GCH1: variants seen among roughly 807,000 people sequenced by gnomAD.
GCH1 encodes the protein GTP cyclohydrolase 1, also known as GTP cyclohydrolase I.
GCH1 carries 5 observed loss-of-function variants against 25.9 expected under a neutral mutation model. The observed-to-expected ratio is 0.19, with a 90% CI of 0.10 to 0.41. The LOEUF is 0.41. GCH1 is among the 10% of genes least tolerant of loss of function. The probability of loss-of-function intolerance (pLI) is 1.00; values close to 1 mark genes in which losing one functional copy is unlikely to be tolerated. For synonymous variants in GCH1, 159 were observed against 129.6 expected (o/e 1.23, Z -1.54); for missense variants, 261 against 336.5 (o/e 0.78, Z 1.75).
intron 3 of GCH1, among the ~76,000 whole-genome samples, chr14:54,854,756 G>A (rs181562957): frequency 9.1e-4 from 138 of 152,208 alleles, no homozygotes; most frequent in African/African-American, 2.8e-3. Flanking sequence ...ATTCAACCTC[G>A]CTCTATTAAG....
At chr14:54,845,920 A>G (rs1045117873) in intron 4 of GCH1, 68 bp from the exon 5 acceptor site, 14 of 870,922 alleles carry the variant, frequency 1.6e-5, no homozygotes, top group Non-Finnish European at 2.8e-5. Flanking sequence ...TTCTGTCTCT[A>G]GAACATTTGA....
In GCH1 at chr14:54,902,630, T is replaced by C; in HGVS notation, c.34A>G (p.Lys12Glu). 6.7e-7 allele frequency: 1 copy of C among 1,485,368 alleles called. No homozygotes were observed. Among genetic ancestry groups the C allele is most frequent in the Non-Finnish European group, 8.9e-7 (1 of 1,121,610 alleles). 92.0% of individuals were successfully genotyped at this position (1,485,368 alleles called of 1,614,324 possible). ...EKGPVRAPAE[K>E]PRGARCSNGF... The stretch of plus-strand genomic sequence containing the variant: ...TTGCTGCACCTGGCGCCCCGCGGCT[T>C]CTCCGCCGGTGCCCGCACAGGGCCC... The change falls in exon 1 of 6, where the codon AAG (lysine) becomes GAG (glutamate). Residue 12 changes from lysine (K) to glutamate (E), a missense_variant. Lys to Glu is a moderately conservative substitution (Grantham distance 56). Coordinates refer to ENST00000491895, the MANE Select transcript of GCH1 (RefSeq NM_000161.3).
intron 3 of GCH1, among the ~76,000 whole-genome samples, chr14:54,853,413 T>C (rs2039764144): frequency 1.3e-5 from 2 of 152,240 alleles, no homozygotes; most frequent in Non-Finnish European, 2.9e-5. Context: ...TAGGTAAGTA[T>C]CGTCCTTGAT....
intron 1 of GCH1, among the ~76,000 whole-genome samples, chr14:54,900,056 G>T (rs2040541538): frequency 6.6e-6 from 1 of 151,930 alleles, no homozygotes; most frequent in Non-Finnish European, 1.5e-5. Flanking sequence ...GTAGAGAATG[G>T]GTTTTCCCAT....
At chr14:54,844,282 A>G (rs1323055518) in intron 5 of GCH1, 139 bp from the exon 6 acceptor site, 1 of 752,662 alleles carries the variant, frequency 1.3e-6, no homozygotes, top group African/African-American at 1.7e-5. Context: ...AATGTTATCT[A>G]TTAGGTTCAT....
chr14:54,844,286 G>C (rs891336467), intron 5 of GCH1, 143 bp from the exon 6 acceptor site: 3 of 745,690 alleles, frequency 4.0e-6, no homozygotes, highest in African/African-American at 1.7e-5. Flanking sequence ...TTATCTATTA[G>C]GTTCATGCAA....
At position 54,884,793 on chromosome 14, in the gene GCH1, C is replaced by CAAAAAA. The variant is rs1180242739; in HGVS notation, c.343+17527_343+17528insTTTTTT. 6 of 145,872 alleles carry CAAAAAA rather than the reference C, an allele frequency of 4.1e-5. 1 individual carries two copies. In the South Asian group the frequency reaches 1.1e-3, roughly 26 times the overall value. 9.0% of individuals were successfully genotyped at this position (145,872 alleles called of 1,614,324 possible). On this transcript the variant is annotated intron_variant, in intron 1 of 5. Transcript: ENST00000491895. The stretch of plus-strand genomic sequence containing the variant: ...CTCAAAACAACAACAACAACAACAA[C>CAAAAAA]AACAACAAAAAAAAAGATTACACAG...
At chr14:54,885,520 C>A in intron 1 of GCH1, 2 of 329,436 alleles carry the variant, frequency 6.1e-6, no homozygotes, top group South Asian at 2.9e-5. Flanking sequence ...CAAACCTACA[C>A]CTGGCTTCTG....
At chr14:54,884,796 C>A (rs111824558) in intron 1 of GCH1, 29,529 of 143,782 alleles carry the variant, frequency 0.21, 4,301 homozygotes, top group East Asian at 0.4. Flanking sequence ...ACAACAACAA[C>A]AACAAAAAAA....
chr14:54,876,245 G>A (rs2055040706), intron 1 of GCH1, among the ~76,000 whole-genome samples: 1 of 152,028 alleles, frequency 6.6e-6, no homozygotes, highest in Non-Finnish European at 1.5e-5. Flanking sequence ...ACTATTGCAA[G>A]GACAAAAAGC....
chr14:54,899,720 T>C (rs1019865041), intron 1 of GCH1, among the ~76,000 whole-genome samples: 1 of 152,186 alleles, frequency 6.6e-6, no homozygotes, highest in Non-Finnish European at 1.5e-5. Flanking sequence ...TGTGCAACTA[T>C]CACCACTCTC....
intron 1 of GCH1, among the ~76,000 whole-genome samples, chr14:54,880,173 G>A (rs2040225649): frequency 6.7e-6 from 1 of 149,716 alleles, no homozygotes; most frequent in Non-Finnish European, 1.5e-5. Context: ...ACCAAATTCA[G>A]TATAGTGGTT....
chr14:54,859,333 C>G, intron 3 of GCH1: 2 of 307,828 alleles, frequency 6.5e-6, no homozygotes, highest in Admixed American at 4.5e-5. Context: ...AGCTTCTTCC[C>G]CAACCCCTCA....
intron 2 of GCH1, among the ~76,000 whole-genome samples, chr14:54,862,722 T>G (rs2039922607): frequency 6.6e-6 from 1 of 151,492 alleles, no homozygotes; most frequent in South Asian, 2.1e-4. Context: ...CCCAAAGTGT[T>G]GAGATTACTG....
intron 3 of GCH1, among the ~76,000 whole-genome samples, chr14:54,856,097 G>A (rs2039807340): frequency 6.6e-6 from 1 of 152,098 alleles, no homozygotes; most frequent in Non-Finnish European, 1.5e-5. Flanking sequence ...CAGTCAATCT[G>A]GTTCCCATCC....
chr14:54,846,131 C>T (rs192144713), intron 4 of GCH1, among the ~76,000 whole-genome samples: 150 of 152,132 alleles, frequency 9.9e-4, no homozygotes, highest in Non-Finnish European at 1.7e-3. Flanking sequence ...TTATCTCATA[C>T]CTGTGCAGTT....
At chr14:54,897,004 C>CT (rs1264967638) in intron 1 of GCH1, among the ~76,000 whole-genome samples, 19,086 of 114,628 alleles carry the variant, frequency 0.17, 3,464 homozygotes, top group African/African-American at 0.33. Flanking sequence ...TTCTACTCCA[C>CT]TTTTTGTTTT....
At chr14:54,900,356 C>T (rs1029370486) in intron 1 of GCH1, among the ~76,000 whole-genome samples, 1 of 151,778 alleles carries the variant, frequency 6.6e-6, no homozygotes, top group Non-Finnish European at 1.5e-5. Context: ...ACTACAGGCG[C>T]CCGCCATCAC....
intron 1 of GCH1, among the ~76,000 whole-genome samples, chr14:54,898,564 T>G (rs2040518773): frequency 6.6e-6 from 1 of 152,182 alleles, no homozygotes; most frequent in Non-Finnish European, 1.5e-5. Flanking sequence ...TGTGCAAAAA[T>G]ATTTTATATC....
Sources: gnomAD v4.1 joint callset for allele counts (sites outside exome capture counted in the v4.1 genomes callset) on GRCh38, gnomAD v4.1.1 for gene constraint, MANE v1.5 for transcripts, NCBI Gene and HGNC (gene_info 2026-07-23, HGNC 2026-07-21) for gene names.